ANKMY1: variants seen among roughly 807,000 people sequenced by gnomAD.
The protein encoded by ANKMY1 is ankyrin repeat and MYND domain-containing protein 1.
A neutral mutation model predicts 102.0 loss-of-function variants in ANKMY1; 98 were observed. That is an observed-to-expected ratio of 0.96 (90% CI 0.82 to 1.14). The LOEUF (loss-of-function observed/expected upper bound fraction) is 1.14. ANKMY1 is among the 50% of genes most tolerant of loss of function. The probability of loss-of-function intolerance (pLI) is 0.00; values close to 1 mark genes in which losing one functional copy is unlikely to be tolerated. For synonymous variants in ANKMY1, 582 were observed against 559.9 expected, an observed-to-expected ratio of 1.04 and a Z score of -0.56; for missense variants, 1,330 against 1,347.6, an observed-to-expected ratio of 0.99 and a Z score of 0.20.
At position 240,482,523 on chromosome 2, in the gene ANKMY1, T is replaced by C. The variant is rs2075535402; in HGVS notation, c.2807-262A>G. 2.0e-5 allele frequency among the ~76,000 whole-genome samples: 3 copies of C among 152,268 alleles called. No homozygotes were observed. In the South Asian group the frequency reaches 6.2e-4, roughly 31 times the overall value. ...GCTTCGCCTGTGTTGTGTCTTCTTT[T>C]TAATTCATTTCAAAGTGTTTCAAAT... is the stretch of plus-strand genomic sequence containing the variant. On this transcript the variant is annotated intron_variant, in intron 15 of 17. Transcript: ENST00000401804.
chr2:240,528,693 C>T (rs1434507525), intron 5 of ANKMY1, among the ~76,000 whole-genome samples: 2 of 150,554 alleles, frequency 1.3e-5, no homozygotes, highest in African/African-American at 4.9e-5. Context: ...AGCCACATCC[C>T]CCCACCAGGT....
chr2:240,486,826 A>G (rs1157556156), intron 15 of ANKMY1, among the ~76,000 whole-genome samples: 1 of 152,144 alleles, frequency 6.6e-6, no homozygotes, highest in East Asian at 1.9e-4. Context: ...ATCTTTGAGC[A>G]CTTTGAATAC....
rs556488156 is a variant in ANKMY1, at chr2:240,492,403, TTTG to T, written c.2806+7552_2806+7554del. ...GTAAATATCATGAAGCCTTTGCTTATTTGTTTTTATTCTTTTTTCTTTACCTTT... is the reference window on the plus strand; with the variant it reads ...GTAAATATCATGAAGCCTTTGCTTATTTTTTATTCTTTTTTCTTTACCTTT... On this transcript the variant is annotated intron_variant, in intron 15 of 17. Transcript: ENST00000401804. Among the ~76,000 whole-genome samples the T allele has an allele frequency of 1.1e-3, 169 of 152,354 alleles. 1 individual carries two copies. The highest frequency in any genetic ancestry group is 3.9e-3 in the African/African-American group (162 of 41,592).
chr2:240,514,796 G>A (rs112342858), intron 9 of ANKMY1, among the ~76,000 whole-genome samples: 1 of 152,234 alleles, frequency 6.6e-6, no homozygotes, highest in Non-Finnish European at 1.5e-5. Flanking sequence ...GCATGGTGGA[G>A]GGAGGCAACC....
At chr2:240,489,931 A>T (rs1023528197) in intron 15 of ANKMY1, among the ~76,000 whole-genome samples, 2 of 152,178 alleles carry the variant, frequency 1.3e-5, no homozygotes, top group Non-Finnish European at 2.9e-5. Context: ...TGCTGATTCA[A>T]TCTTGCTACT....
chr2:240,502,690 C>T (rs1432535578), intron 13 of ANKMY1, among the ~76,000 whole-genome samples: 2 of 151,944 alleles, frequency 1.3e-5, no homozygotes, highest in Non-Finnish European at 2.9e-5. Context: ...AACTGAGATA[C>T]ACTTTGCTGT....
intron 13 of ANKMY1, among the ~76,000 whole-genome samples, chr2:240,505,983 G>A (rs2079001428): frequency 6.6e-6 from 1 of 152,158 alleles, no homozygotes; most frequent in African/African-American, 2.4e-5. Context: ...GAAGCAGACA[G>A]CATGGTTAGG....
At chr2:240,526,109 A>G (rs1198488965) in intron 6 of ANKMY1, 120 bp downstream of exon 6, 4 of 1,236,980 alleles carry the variant, frequency 3.2e-6, no homozygotes, top group Non-Finnish European at 4.6e-6. Context: ...GGTGTGGACA[A>G]TCAGTGTCCC....
chr2:240,503,539 C>G (rs189236201), intron 13 of ANKMY1, among the ~76,000 whole-genome samples: 1 of 152,172 alleles, frequency 6.6e-6, no homozygotes, highest in Admixed American at 6.5e-5. Flanking sequence ...TCGAGCTTCA[C>G]GCGTTCATTT....
intron 4 of ANKMY1, among the ~76,000 whole-genome samples, chr2:240,542,428 T>C (rs926385539): frequency 1.3e-5 from 2 of 150,820 alleles, no homozygotes; most frequent in African/African-American, 2.4e-5. Context: ...CACTTGAACC[T>C]GGGAGGTGGA....
Position 240,509,402 on chromosome 2 carries a change from C to T in ANKMY1, c.2340G>A (p.Leu780=), listed in dbSNP as rs1184246347. The T allele has an allele frequency of 1.2e-6, 2 of 1,613,632 alleles. No individual in the cohort carries two copies. The highest frequency in any genetic ancestry group is 2.7e-5 in the African/African-American group (2 of 74,864). ...LLLSHGANPN[L]LWSGHSPLSL... ...AGAGCGGGGAGTGGCCACTCCACAGCAGGTTAGGATTTGCTCCGTGGGATA... is the reference window on the plus strand; with the variant it reads ...AGAGCGGGGAGTGGCCACTCCACAGTAGGTTAGGATTTGCTCCGTGGGATA... The change falls in exon 12 of 18, where the codon CTG becomes CTA. Residue 780 remains leucine (L), a synonymous_variant. Transcript: ENST00000401804.
At chr2:240,510,876 G>T (rs947280451) in intron 11 of ANKMY1, among the ~76,000 whole-genome samples, 1 of 151,330 alleles carries the variant, frequency 6.6e-6, no homozygotes, top group South Asian at 2.1e-4. Context: ...ACAAGTGTGC[G>T]AACAGAAAGC....
At chr2:240,512,132 C>T (rs932541173) in intron 10 of ANKMY1, 131 bp from the exon 11 acceptor site, 9 of 1,160,454 alleles carry the variant, frequency 7.8e-6, no homozygotes, top group East Asian at 3.2e-5. Context: ...CTCTTGAAGG[C>T]GGATGCCTGA....
chr2:240,504,308 T>C (rs976153449), intron 13 of ANKMY1, among the ~76,000 whole-genome samples: 2 of 152,154 alleles, frequency 1.3e-5, no homozygotes, highest in East Asian at 1.9e-4. Flanking sequence ...GAAACCATCA[T>C]AGAGAAAAGC....
the ANKMY1 span, among the ~76,000 whole-genome samples, chr2:240,470,453 C>T: frequency 2.2e-4 from 34 of 152,208 alleles, no homozygotes; most frequent in African/African-American, 7.7e-4. Flanking sequence ...AAGCTCTCCC[C>T]GTGTGCACAG....
intron 4 of ANKMY1, among the ~76,000 whole-genome samples, chr2:240,543,421 A>G (rs1027542644): frequency 2.0e-5 from 3 of 151,986 alleles, no homozygotes; most frequent in African/African-American, 7.2e-5. Context: ...ATATATTTTT[A>G]TCTGGGTTTT....
At chr2:240,481,302 A>G (rs753888856) in intron 16 of ANKMY1, among the ~76,000 whole-genome samples, 44 of 152,256 alleles carry the variant, frequency 2.9e-4, no homozygotes, top group Non-Finnish European at 3.1e-4. Context: ...TGATATTTAG[A>G]ATAGGAAACC....
At chr2:240,555,077 G>A (rs1331974359) in intron 2 of ANKMY1, 22 bp from the exon 3 acceptor site, 2 of 1,612,104 alleles carry the variant, frequency 1.2e-6, no homozygotes, top group African/African-American at 1.3e-5. Context: ...GGAGCAGAAG[G>A]AGGGAAGAGT....
intron 4 of ANKMY1, among the ~76,000 whole-genome samples, chr2:240,551,430 G>C (rs935575445): frequency 1.3e-5 from 2 of 152,172 alleles, no homozygotes; most frequent in Non-Finnish European, 2.9e-5. Flanking sequence ...GGGGGAACTG[G>C]TTATTTTCCC....
Sources: gnomAD v4.1 joint callset for allele counts (sites outside exome capture counted in the v4.1 genomes callset) on GRCh38, gnomAD v4.1.1 for gene constraint, MANE v1.5 for transcripts, NCBI Gene and HGNC (gene_info 2026-07-23, HGNC 2026-07-21) for gene names.